Variants in CDRT4 observed in about 807,000 individuals in gnomAD.
The protein encoded by CDRT4 is CMT1A duplicated region transcript 4.
For synonymous variants in CDRT4, 64 were observed against 69.6 expected (o/e 0.92, Z 0.40); for missense variants, 167 against 193.1 (o/e 0.87, Z 0.80).
rs945041447 is a variant in CDRT4 at position 15,450,296 on chromosome 17, T to C, written c.-48+2708A>G. 6.6e-6 allele frequency among the ~76,000 whole-genome samples: 1 copy of C among 152,120 alleles called. No homozygotes were observed. The highest frequency in any genetic ancestry group is 1.5e-5 in the Non-Finnish European group (1 of 68,016). On this transcript the variant is annotated intron_variant, in intron 2 of 3. Transcript: ENST00000619038. The surrounding 1 kb of genome is among the most constrained non-coding windows in gnomAD (Gnocchi z 4.2). Reference sequence around the variant, plus strand: ...GAACTCCCTCATCTCCCACCATCACTCGTACCAACTCTCCACCATAAGCTC... The same window carrying C: ...GAACTCCCTCATCTCCCACCATCACCCGTACCAACTCTCCACCATAAGCTC...
At chr17:15,466,438 C>A (rs1980046145) in intron 1 of CDRT4, among the ~76,000 whole-genome samples, 1 of 152,226 alleles carries the variant, frequency 6.6e-6, no homozygotes, top group African/African-American at 2.4e-5. Context: ...CCCCTATCTA[C>A]ACCAAGGTGC....
At position 15,464,499 on chromosome 17, in the gene CDRT4, A is replaced by C. The variant is rs968071867; in HGVS notation, c.-130+2961T>G. Among the ~76,000 whole-genome samples the C allele has an allele frequency of 3.9e-5, 6 of 152,056 alleles. No homozygotes were observed. Among genetic ancestry groups the C allele is most frequent in the Non-Finnish European group, 8.8e-5 (6 of 68,000 alleles). On this transcript the variant is annotated intron_variant, in intron 1 of 3. Transcript: ENST00000619038. This position sits in a 1 kb window ranked among gnomAD's most constrained non-coding sequence, Gnocchi z 4.5. ...GAGCTGATTCCTGAGAGGCAGCACT[A>C]GATGCTGGGCATTAGCAATCTGAGA...
rs1979686001 is a variant in CDRT4 at position 15,460,216 on chromosome 17, G to A, written c.-129-7131C>T. Among the ~76,000 whole-genome samples the A allele has an allele frequency of 2.0e-5, 3 of 151,978 alleles. 1 individual carries two copies. The highest frequency in any genetic ancestry group is 2.0e-4 in the Admixed American group (3 of 15,268). On this transcript the variant is annotated intron_variant, in intron 1 of 3. Transcript: ENST00000619038. ...ACATTCAAAACCTGCTTCCCCACTG[G>A]CCTTCTTCCAGTTTGTTAACCAGCA...
chr17:15,453,996 G>C (rs1236251413), intron 1 of CDRT4, among the ~76,000 whole-genome samples: 1 of 152,128 alleles, frequency 6.6e-6, no homozygotes, highest in Non-Finnish European at 1.5e-5. Flanking sequence ...TTAATATGCA[G>C]GATGGCAATG....
At chr17:15,441,267 A>G (rs2150785398) in intron 2 of CDRT4, among the ~76,000 whole-genome samples, 1 of 152,310 alleles carries the variant, frequency 6.6e-6, no homozygotes, top group African/African-American at 2.4e-5. Context: ...CATGGGTCGA[A>G]GGCAGTGCTT....
intron 2 of CDRT4, among the ~76,000 whole-genome samples, chr17:15,442,634 C>T (rs1364812610): frequency 6.6e-6 from 1 of 152,140 alleles, no homozygotes; most frequent in Non-Finnish European, 1.5e-5. Context: ...GTGTGACCCA[C>T]CATCCTGCTC....
intron 2 of CDRT4, among the ~76,000 whole-genome samples, chr17:15,447,887 G>A (rs1190434909): frequency 2.6e-5 from 4 of 152,094 alleles, no homozygotes; most frequent in African/African-American, 4.8e-5. Context: ...AGAAAGATAC[G>A]GAGAAACAAG....
rs528386931 is a variant in CDRT4 at position 15,464,468 on chromosome 17, T to C, written c.-130+2992A>G. 6.6e-6 allele frequency among the ~76,000 whole-genome samples: 1 copy of C among 152,246 alleles called. No homozygotes were observed. The highest frequency in any genetic ancestry group is 2.1e-4 in the South Asian group (1 of 4,822). ...CGCTTCTTCCCTTCCCACCCCTTGC[T>C]AGTTGGAGCTGATTCCTGAGAGGCA... On this transcript the variant is annotated intron_variant, in intron 1 of 3. Coordinates refer to ENST00000619038, the MANE Select transcript of CDRT4 (RefSeq NM_001204477.2). This position sits in a 1 kb window ranked among gnomAD's most constrained non-coding sequence, Gnocchi z 4.5.
At chr17:15,462,443 A>AAC (rs562614384) in intron 1 of CDRT4, among the ~76,000 whole-genome samples, 1,639 of 150,462 alleles carry the variant, frequency 0.011, 39 homozygotes, top group African/African-American at 0.039. Context: ...AAAAAAAAAA[A>AAC]AAAAAAAAGA....
chr17:15,441,427 C>T (rs547905189), intron 2 of CDRT4, among the ~76,000 whole-genome samples: 14 of 152,266 alleles, frequency 9.2e-5, no homozygotes, highest in African/African-American at 2.9e-4. Flanking sequence ...ACTGATGTTG[C>T]TGGCCTGTGG....
In CDRT4 at chr17:15,436,345, C is replaced by T. The variant is rs543950601; in HGVS notation, c.*1428G>A. On this transcript the variant is annotated 3_prime_UTR_variant, in exon 4 of 4. Transcript: ENST00000619038. ...ATAAGTTACTACATCTCATCCTCTA[C>T]ATCTCTGTGAGGGATGATGGATTAG... The T allele has an allele frequency of 6.6e-6, 1 of 152,366 alleles. No individual in the cohort carries two copies. Among genetic ancestry groups the T allele is most frequent in the South Asian group, 2.1e-4 (1 of 4,832 alleles). The allele number at this position is 152,366 out of a possible 1,614,324, so 9.4% of individuals were successfully genotyped here. A position where few individuals can be genotyped will look rare whatever the true frequency, so the allele number is the denominator to read the frequency against.
intron 1 of CDRT4, among the ~76,000 whole-genome samples, chr17:15,454,562 A>G (rs1979402798): frequency 6.6e-6 from 1 of 152,010 alleles, no homozygotes; most frequent in South Asian, 2.1e-4. Context: ...GCTCTCCCTC[A>G]CCCCAGCTTT....
chr17:15,446,441 G>A (rs941649383), intron 2 of CDRT4, among the ~76,000 whole-genome samples: 9 of 152,068 alleles, frequency 5.9e-5, no homozygotes, highest in African/African-American at 2.2e-4. Flanking sequence ...GAAATGTTAA[G>A]GCAAAGGGCA....
At chr17:15,449,271 A>T (rs566101648) in intron 2 of CDRT4, among the ~76,000 whole-genome samples, 1 of 152,328 alleles carries the variant, frequency 6.6e-6, no homozygotes, top group South Asian at 2.1e-4. Context: ...GACTAATTAA[A>T]TCCTAACAAA....
At chr17:15,452,031 T>C (rs1979285186) in intron 2 of CDRT4, among the ~76,000 whole-genome samples, 1 of 152,198 alleles carries the variant, frequency 6.6e-6, no homozygotes, top group Non-Finnish European at 1.5e-5. Flanking sequence ...GAAATCCAAA[T>C]ATCCAGCAGC....
chr17:15,460,766 C>T (rs1400507694), intron 1 of CDRT4, among the ~76,000 whole-genome samples: 3 of 152,178 alleles, frequency 2.0e-5, no homozygotes, highest in African/African-American at 4.8e-5. Flanking sequence ...CCAACACAAA[C>T]ATCCCTTTCC....
At chr17:15,465,028 AAC>A (rs948097450) in intron 1 of CDRT4, among the ~76,000 whole-genome samples, 16 of 138,472 alleles carry the variant, frequency 1.2e-4, no homozygotes, top group Admixed American at 6.8e-4. Flanking sequence ...GACACACACC[AAC>A]ACACAGACAC....
At chr17:15,446,857 T>G (rs1385881507) in intron 2 of CDRT4, among the ~76,000 whole-genome samples, 2 of 152,240 alleles carry the variant, frequency 1.3e-5, no homozygotes, top group Admixed American at 6.5e-5. Flanking sequence ...CGATTATATG[T>G]GTACGTTGAG....
In CDRT4 at chr17:15,450,613, G is replaced by A. The variant is rs1441359642; in HGVS notation, c.-48+2391C>T. Among the ~76,000 whole-genome samples, 3 of 151,566 alleles carry A rather than the reference G, an allele frequency of 2.0e-5. No homozygotes were observed. The highest frequency in any genetic ancestry group is 7.3e-5 in the African/African-American group (3 of 41,204). ...ATTTCCACACATCCCCAAAGTGATG[G>A]CAATCAGTTTTGTGGCTCTACATCT... On this transcript the variant is annotated intron_variant, in intron 2 of 3. Coordinates refer to ENST00000619038, the MANE Select transcript of CDRT4 (RefSeq NM_001204477.2). This position sits in a 1 kb window ranked among gnomAD's most constrained non-coding sequence, Gnocchi z 4.2.
Sources: allele counts gnomAD v4.1 joint callset (sites outside exome capture counted in the v4.1 genomes callset), GRCh38; gene constraint gnomAD v4.1.1; non-coding constraint Gnocchi (gnomAD v3.1); transcripts MANE v1.5; gene names NCBI Gene and HGNC (gene_info 2026-07-23, HGNC 2026-07-21).